BBS9: variants seen among roughly 807,000 people sequenced by gnomAD.
BBS9 encodes the protein protein PTHB1.
In BBS9, 89 loss-of-function variants were observed where a neutral mutation model predicts 117.7. The observed-to-expected ratio is 0.76, with a 90% CI of 0.64 to 0.90. The LOEUF is 0.90. Ranked by LOEUF, BBS9 falls within the 40% of genes least tolerant of loss-of-function variation. BBS9 has a pLI of 0.00. For synonymous variants in BBS9, 379 were observed against 370.9 expected (o/e 1.02, Z -0.25); for missense variants, 982 against 1,042.2 (o/e 0.94, Z 0.80).
chr7:33,171,058 C>G (rs913302622), intron 4 of BBS9, among the ~76,000 whole-genome samples: 5 of 151,158 alleles, frequency 3.3e-5, no homozygotes, highest in Non-Finnish European at 7.4e-5. Context: ...AATGCCATCC[C>G]CATCAAGCTA....
intron 19 of BBS9, among the ~76,000 whole-genome samples, chr7:33,472,756 C>T (rs556319405): frequency 3.3e-5 from 5 of 152,290 alleles, no homozygotes; most frequent in South Asian, 2.1e-4. Flanking sequence ...TCCTAACATA[C>T]GGTAGCATTA....
intron 1 of BBS9, among the ~76,000 whole-genome samples, chr7:33,141,565 C>T (rs1268812514): frequency 6.6e-6 from 1 of 152,052 alleles, no homozygotes; most frequent in African/African-American, 2.4e-5. Flanking sequence ...ATGGGGTCTC[C>T]CTATGTTGCC....
chr7:33,616,491 G>GTATATATATA lies in BBS9; in HGVS notation c.2522-18685_2522-18684insATATATATAT, dbSNP rs1255562311. 3.1e-3 allele frequency among the ~76,000 whole-genome samples: 428 copies of GTATATATATA among 138,676 alleles called. 1 individual carries two copies. The highest frequency in any genetic ancestry group is 0.011 in the African/African-American group (406 of 36,404). 91.0% of individuals were successfully genotyped at this position (138,676 alleles called of 152,430 possible). The stretch of plus-strand genomic sequence containing the variant: ...CTTTATATAATATATGTGTGTGTGT[G>GTATATATATA]TGTATATATATATATATATATATAT... On this transcript the variant is annotated intron_variant, in intron 21 of 21. Coordinates refer to the BBS9 transcript ENST00000671952.
chr7:33,466,267 A>G (rs1840148966), intron 19 of BBS9, among the ~76,000 whole-genome samples: 1 of 152,098 alleles, frequency 6.6e-6, no homozygotes, highest in Admixed American at 6.6e-5. Flanking sequence ...TTCATCCTCC[A>G]TGAATAAGTG....
At chr7:33,301,606 C>A (rs952352593) in intron 9 of BBS9, among the ~76,000 whole-genome samples, 3 of 152,078 alleles carry the variant, frequency 2.0e-5, no homozygotes, top group Non-Finnish European at 4.4e-5. Context: ...ATCTCCATTT[C>A]TTTTTTATGG....
intron 19 of BBS9, among the ~76,000 whole-genome samples, chr7:33,416,788 G>A (rs1832078776): frequency 6.6e-6 from 1 of 152,174 alleles, no homozygotes; most frequent in Admixed American, 6.5e-5. Context: ...GAAGTCACAT[G>A]GAGGCAGTGG....
In BBS9 at chr7:33,174,712, G is replaced by A. The variant is rs1076462; in HGVS notation, c.329-2766G>A. The stretch of plus-strand genomic sequence containing the variant: ...GGCTGAACTTAAAATATGTAAGGAG[G>A]CAGCTTTAGGCTAAACTTGATTTAA... On this transcript the variant is annotated intron_variant, in intron 4 of 22. Transcript: ENST00000242067. Among the ~76,000 whole-genome samples the A allele has an allele frequency of 3.9e-5, 6 of 152,096 alleles. No homozygotes were observed. In the East Asian group the frequency reaches 1.2e-3, roughly 29 times the overall value.
chr7:33,382,690 A>G (rs1165795933), intron 17 of BBS9, among the ~76,000 whole-genome samples: 1 of 151,672 alleles, frequency 6.6e-6, no homozygotes, highest in Non-Finnish European at 1.5e-5. Flanking sequence ...TATTTCTCTC[A>G]TAGGGCTGTT....
At chr7:33,378,957 A>G (rs1342221004) in intron 17 of BBS9, among the ~76,000 whole-genome samples, 1 of 152,078 alleles carries the variant, frequency 6.6e-6, no homozygotes, top group Non-Finnish European at 1.5e-5. Context: ...ATTCTGATCA[A>G]TTTTCACAGT....
chr7:33,420,247 G>C (rs781708001), intron 19 of BBS9, among the ~76,000 whole-genome samples: 16 of 152,162 alleles, frequency 1.1e-4, no homozygotes, highest in Non-Finnish European at 2.1e-4. Flanking sequence ...AAATGGGGAT[G>C]ATATTCCATT....
At chr7:33,496,366 G>T (rs567219168) in intron 19 of BBS9, among the ~76,000 whole-genome samples, 4 of 152,158 alleles carry the variant, frequency 2.6e-5, no homozygotes, top group Admixed American at 2.6e-4. Flanking sequence ...TTAGCTAGGC[G>T]TGGTGGTGGG....
At chr7:33,215,716 T>C (rs1288313872) in intron 5 of BBS9, among the ~76,000 whole-genome samples, 1 of 152,162 alleles carries the variant, frequency 6.6e-6, no homozygotes, top group Non-Finnish European at 1.5e-5. Flanking sequence ...TGAATGGAAC[T>C]GGGAGTCCTT....
At chr7:33,526,844 T>A (rs2129050030) in intron 20 of BBS9, among the ~76,000 whole-genome samples, 1 of 151,836 alleles carries the variant, frequency 6.6e-6, no homozygotes, top group Non-Finnish European at 1.5e-5. Flanking sequence ...GAGTTTCCAG[T>A]TTTTCTGTTC....
chr7:33,144,462 G>A (rs1481925023), intron 1 of BBS9, among the ~76,000 whole-genome samples: 1 of 152,192 alleles, frequency 6.6e-6, no homozygotes, highest in African/African-American at 2.4e-5. Flanking sequence ...CAAGTGCAAA[G>A]GAGTAAAAAT....
At chr7:33,367,720 A>G in intron 16 of BBS9, 47 bp from the exon 17 acceptor site, 1 of 1,545,052 alleles carries the variant, frequency 6.5e-7, no homozygotes, top group Admixed American at 1.7e-5. Flanking sequence ...AAATGTGTTC[A>G]TTTTGCCTTC....
intron 21 of BBS9, among the ~76,000 whole-genome samples, chr7:33,631,282 G>C (rs1050800343): frequency 6.6e-6 from 1 of 152,128 alleles, no homozygotes; most frequent in African/African-American, 2.4e-5. Context: ...TAAGGATGGT[G>C]ATATTTATCC....
chr7:33,222,098 G>A (rs1420597274), intron 5 of BBS9, among the ~76,000 whole-genome samples: 4 of 152,034 alleles, frequency 2.6e-5, no homozygotes, highest in Non-Finnish European at 4.4e-5. Flanking sequence ...ATATTTTTTG[G>A]CTTCTTGTTT....
At chr7:33,356,199 T>C (rs927657863) in intron 15 of BBS9, among the ~76,000 whole-genome samples, 3 of 152,000 alleles carry the variant, frequency 2.0e-5, no homozygotes, top group Admixed American at 2.0e-4. Context: ...AGTTTACTTA[T>C]TGTAGAGGAA....
In BBS9 at chr7:33,531,462, G is replaced by A. The variant is rs78889666; in HGVS notation, c.2299-2492G>A. ...CTGTGGGATACCTACACTCCAAGCC[G>A]CAGCCCAGTGTTTTGGGGTCAGTCT... On this transcript the variant is annotated intron_variant, in intron 20 of 22. Coordinates refer to ENST00000242067, the MANE Select transcript of BBS9 (RefSeq NM_198428.3). 8.9e-3 allele frequency among the ~76,000 whole-genome samples: 1,349 copies of A among 152,224 alleles called. 24 individuals carry two copies. The highest frequency in any genetic ancestry group is 0.031 in the African/African-American group (1,271 of 41,528).
Sources: allele counts gnomAD v4.1 joint callset (sites outside exome capture counted in the v4.1 genomes callset), GRCh38; gene constraint gnomAD v4.1.1; transcripts MANE v1.5; gene names NCBI Gene and HGNC (gene_info 2026-07-23, HGNC 2026-07-21).